Variants in RNF103 observed in about 807,000 individuals in gnomAD.
RNF103 encodes E3 ubiquitin-protein ligase RNF103.
RNF103 carries 23 observed loss-of-function variants against 66.2 expected under a neutral mutation model. That is an observed-to-expected ratio of 0.35 (90% CI 0.25 to 0.49). The LOEUF (loss-of-function observed/expected upper bound fraction) is 0.49. Among genes scored for constraint, RNF103 ranks in the 20% least tolerant of loss-of-function variants. RNF103 has a pLI of 0.98. For synonymous variants in RNF103, 297 were observed against 289.9 expected, an observed-to-expected ratio of 1.02 and a Z score of -0.25; for missense variants, 730 against 814.7, an observed-to-expected ratio of 0.90 and a Z score of 1.27.
chr2:86,610,602 G>C (rs1413137201), intron 3 of RNF103, among the ~76,000 whole-genome samples: 1 of 151,856 alleles, frequency 6.6e-6, no homozygotes, highest in Non-Finnish European at 1.5e-5. Flanking sequence ...TTTAAAATGT[G>C]TTTTTATTTG....
Position 86,605,175 on chromosome 2 carries a change from G to T in RNF103, c.726C>A (p.Asn242Lys), listed in dbSNP as rs1160316180. 13 of 1,613,692 alleles carry T rather than the reference G, an allele frequency of 8.1e-6. No homozygotes were observed. The African/African-American group carries it at 9.3e-5, about 12-fold the overall frequency. ...QYWLKIYLFA[N>K]LDQPPAFFSA... ...AGAAGAAAGCTGGGGGCTGGTCAAG[G>T]TTTGCAAATAGGTATATTTTTAACC... The change falls in exon 4 of 4, where the codon AAC (asparagine) becomes AAA (lysine). Residue 242 changes from asparagine (N) to lysine (K), a missense_variant. By Grantham distance (94) the Asn-to-Lys change is moderately conservative. This residue lies in a region of RNF103 where 327 missense variants were observed against 369.8 expected (regional missense o/e 0.88). Coordinates refer to ENST00000237455, the MANE Select transcript of RNF103 (RefSeq NM_005667.4).
chr2:86,606,738 A>G (rs1573353036), intron 3 of RNF103, among the ~76,000 whole-genome samples: 1 of 151,356 alleles, frequency 6.6e-6, no homozygotes, highest in East Asian at 1.9e-4. Flanking sequence ...ACTGTAAGTG[A>G]AAATATTTTC....
rs1486275859 is a variant in RNF103 at position 86,622,944 on chromosome 2, G to A, written c.-58C>T. The stretch of plus-strand genomic sequence containing the variant: ...TCGGAATACGGGAGAGAGAAGGGTC[G>A]AGGGCGGGGGCCGCGGCTCGGTGGC... On this transcript the variant is annotated 5_prime_UTR_variant, in exon 1 of 4. Transcript: ENST00000237455. The A allele has an allele frequency of 3.1e-5, 47 of 1,515,196 alleles. No individual in the cohort carries two copies. The highest frequency in any genetic ancestry group is 4.3e-5 in the Admixed American group (2 of 46,036). 93.9% of individuals were successfully genotyped at this position (1,515,196 alleles called of 1,614,324 possible). A position where few individuals can be genotyped will look rare whatever the true frequency, so the allele number is the denominator to read the frequency against.
Position 86,623,659 on chromosome 2 carries a change from C to CG in RNF103, c.-774dup. On this transcript the variant is annotated 5_prime_UTR_variant, in exon 1 of 4. Coordinates refer to ENST00000237455, the MANE Select transcript of RNF103 (RefSeq NM_005667.4). ...CGGTCTCTGCAGATGGAATCGGTCT[C>CG]GGAGGGAAAAAACCAATAATAGGCC... is the stretch of plus-strand genomic sequence containing the variant. 1 of 1,161,884 alleles carries CG rather than the reference C, an allele frequency of 8.6e-7. No homozygotes were observed. The highest frequency in any genetic ancestry group is 1.1e-6 in the Non-Finnish European group (1 of 928,568). The allele number at this position is 1,161,884 out of a possible 1,614,324, so 72.0% of individuals were successfully genotyped here.
Position 86,623,853 on chromosome 2 carries a change from G to C in RNF103, c.-967C>G, listed in dbSNP as rs997477113. The C allele has an allele frequency of 2.3e-6, 3 of 1,287,984 alleles. No homozygotes were observed. Among genetic ancestry groups the C allele is most frequent in the Non-Finnish European group, 3.0e-6 (3 of 988,320 alleles). 79.8% of individuals were successfully genotyped at this position (1,287,984 alleles called of 1,614,324 possible). A position where few individuals can be genotyped will look rare whatever the true frequency, so the allele number is the denominator to read the frequency against. On this transcript the variant is annotated 5_prime_UTR_variant, in exon 1 of 4. Transcript: ENST00000237455. ...TGTATCAGCGGCGGCCGCGGCCGGA[G>C]CCGAGACATAACAACTGACGTCGCG...
chr2:86,615,928 T>A (rs1679001320), intron 2 of RNF103, among the ~76,000 whole-genome samples: 1 of 152,190 alleles, frequency 6.6e-6, no homozygotes, highest in Non-Finnish European at 1.5e-5. Flanking sequence ...CCAAACAATT[T>A]CAGCTTCTTA....
chr2:86,616,290 T>C (rs1679015533), intron 2 of RNF103: 1 of 175,288 alleles, frequency 5.7e-6, no homozygotes, highest in South Asian at 1.9e-4. Context: ...AATGAGAGTA[T>C]TGTGCTATGA....
chr2:86,606,468 T>G (rs564180483), intron 3 of RNF103, among the ~76,000 whole-genome samples: 54 of 151,976 alleles, frequency 3.6e-4, no homozygotes, highest in Middle Eastern at 6.8e-3. Flanking sequence ...ATTGAGACCA[T>G]CCTGGCCAAC....
At chr2:86,615,337 A>G (rs1242730610) in intron 2 of RNF103, 1 of 539,808 alleles carries the variant, frequency 1.9e-6, no homozygotes, top group East Asian at 1.5e-4. Flanking sequence ...TGCAATTAAA[A>G]ATGTGTCCAA....
intron 2 of RNF103, chr2:86,615,306 A>G: frequency 1.2e-6 from 1 of 819,242 alleles, no homozygotes; most frequent in Non-Finnish European, 1.5e-6. Context: ...AGCATTTTAT[A>G]TTACTTTATA....
rs1282895351 is a variant in RNF103, at chr2:86,605,343, T to C, written c.558A>G (p.Lys186=). The change falls in exon 4 of 4, where the codon AAA becomes AAG. Residue 186 remains lysine (K), a synonymous_variant. Coordinates refer to ENST00000237455, the MANE Select transcript of RNF103 (RefSeq NM_005667.4). ...GTCCACTGTATTCTTTAAGCATGAC[T>C]TTCCCTTTTGAAGTACTTGTTTGTG... is the stretch of plus-strand genomic sequence containing the variant. ...SVPQTSTSKG[K]VMLKEYSGRK... 3 of 1,614,190 alleles carry C rather than the reference T, an allele frequency of 1.9e-6. No homozygotes were observed. The highest frequency in any genetic ancestry group is 1.1e-5 in the South Asian group (1 of 91,088).
At chr2:86,615,525 TA>T (rs1008701052) in intron 2 of RNF103, among the ~76,000 whole-genome samples, 2 of 147,312 alleles carry the variant, frequency 1.4e-5, no homozygotes, top group African/African-American at 5.0e-5. Context: ...ATGCCTTATA[TA>T]TATATATATA....
intron 3 of RNF103, 38 bp from the exon 4 acceptor site, chr2:86,605,456 T>C (rs1469393513): frequency 1.3e-6 from 2 of 1,532,614 alleles, no homozygotes; most frequent in Middle Eastern, 3.5e-4. Flanking sequence ...AGCTAGGCTG[T>C]AATGCAAACA....
rs1678948028 is a variant in RNF103, at chr2:86,614,660, G to A, written c.367-2386C>T. On this transcript the variant is annotated intron_variant, in intron 2 of 3. Coordinates refer to ENST00000237455, the MANE Select transcript of RNF103 (RefSeq NM_005667.4). ...AAAATTAGGAAGATCAAGCAAAGCA[G>A]GCGCCTATTGCCTCTTGTTCTTTAT... 14 of 651,180 alleles carry A rather than the reference G, an allele frequency of 2.1e-5. 1 individual carries two copies. In the South Asian group the frequency reaches 5.2e-4, roughly 24 times the overall value. The allele number at this position is 651,180 out of a possible 1,614,324, so 40.3% of individuals were successfully genotyped here. A position where few individuals can be genotyped will look rare whatever the true frequency, so the allele number is the denominator to read the frequency against.
At chr2:86,614,706 A>T in intron 2 of RNF103, 1 of 672,566 alleles carries the variant, frequency 1.5e-6, no homozygotes. Flanking sequence ...TTTTATTGCT[A>T]CCACTCAAGA....
intron 2 of RNF103, chr2:86,615,183 G>A (rs1678968426): frequency 1.3e-5 from 13 of 985,268 alleles, no homozygotes; most frequent in Middle Eastern, 5.2e-4. Context: ...AATGTTCAAT[G>A]CCAGGGCCTT....
Position 86,623,292 on chromosome 2 carries a change from G to C in RNF103, c.-406C>G. On this transcript the variant is annotated 5_prime_UTR_variant, in exon 1 of 4. Coordinates refer to ENST00000237455, the MANE Select transcript of RNF103 (RefSeq NM_005667.4). ...CGGCCCTCCGGTGCCGCGATCTCAA[G>C]GGGGAGGGGGAGACCAAAAAATAAC... is the stretch of plus-strand genomic sequence containing the variant. 1 of 992,240 alleles carries C rather than the reference G, an allele frequency of 1.0e-6. No individual in the cohort carries two copies. The highest frequency in any genetic ancestry group is 1.2e-6 in the Non-Finnish European group (1 of 835,262). The allele number at this position is 992,240 out of a possible 1,614,324, so 61.5% of individuals were successfully genotyped here.
chr2:86,612,046 C>T, intron 3 of RNF103, 113 bp downstream of exon 3: 1 of 645,094 alleles, frequency 1.6e-6, no homozygotes, highest in Non-Finnish European at 2.7e-6. Flanking sequence ...TAAGAGTGTG[C>T]TACACATTAT....
intron 3 of RNF103, among the ~76,000 whole-genome samples, chr2:86,610,871 C>T (rs1258878192): frequency 4.6e-5 from 7 of 152,020 alleles, no homozygotes; most frequent in Non-Finnish European, 1.0e-4. Flanking sequence ...TGGTAAATGA[C>T]GAATGGAGAT....
Sources: allele counts gnomAD v4.1 joint callset (sites outside exome capture counted in the v4.1 genomes callset), GRCh38; gene constraint gnomAD v4.1.1; regional missense constraint gnomAD v4.1.1; transcripts MANE v1.5; gene names NCBI Gene and HGNC (gene_info 2026-07-23, HGNC 2026-07-21).